CACNA2D1: variants seen among roughly 807,000 people sequenced by gnomAD.
CACNA2D1 encodes voltage-dependent calcium channel subunit alpha-2/delta-1.
In CACNA2D1, 53 loss-of-function variants were observed where a neutral mutation model predicts 171.5. The ratio of observed to expected loss-of-function variants is 0.31; its 90% CI spans 0.25 to 0.39. The LOEUF (loss-of-function observed/expected upper bound fraction) is 0.39, where lower values mean the gene tolerates loss of function less well. Ranked by LOEUF, CACNA2D1 falls within the 10% of genes least tolerant of loss-of-function variation. CACNA2D1 has a pLI of 1.00. For synonymous variants in CACNA2D1, 442 were observed against 443.1 expected (o/e 1.00, Z 0.03); for missense variants, 903 against 1,299.8 (o/e 0.69, Z 4.69).
chr7:82,061,432 C>T (rs527698359), intron 9 of CACNA2D1, among the ~76,000 whole-genome samples: 5 of 152,180 alleles, frequency 3.3e-5, no homozygotes, highest in Admixed American at 1.3e-4. Context: ...CAATTAGTCT[C>T]CTTCACATGC....
chr7:82,311,219 GTC>G (rs1814423459), intron 3 of CACNA2D1, among the ~76,000 whole-genome samples: 1 of 151,826 alleles, frequency 6.6e-6, no homozygotes, highest in Non-Finnish European at 1.5e-5. Flanking sequence ...GATGCTTTTT[GTC>G]CATAAAAGCT....
At chr7:82,207,313 T>A (rs1012983844) in intron 3 of CACNA2D1, among the ~76,000 whole-genome samples, 7 of 152,152 alleles carry the variant, frequency 4.6e-5, no homozygotes, top group African/African-American at 1.7e-4. Context: ...TTAGAAAAAT[T>A]CCCTCTCTAT....
At chr7:82,149,796 A>AAAAAAAAAGAAAAG (rs1554432059) in intron 4 of CACNA2D1, among the ~76,000 whole-genome samples, 3 of 136,768 alleles carry the variant, frequency 2.2e-5, no homozygotes, top group African/African-American at 7.8e-5. Context: ...ACAAACAACA[A>AAAAAAAAAGAAAAG]AAAAAAAAAC....
At chr7:82,396,825 T>C (rs964940263) in intron 1 of CACNA2D1, among the ~76,000 whole-genome samples, 1 of 152,222 alleles carries the variant, frequency 6.6e-6, no homozygotes, top group African/African-American at 2.4e-5. Flanking sequence ...AAATCAAGTA[T>C]ATGTAGACAC....
intron 1 of CACNA2D1, among the ~76,000 whole-genome samples, chr7:82,392,492 G>A (rs964352077): frequency 6.6e-6 from 1 of 152,192 alleles, no homozygotes; most frequent in African/African-American, 2.4e-5. Flanking sequence ...CCGTAATGCA[G>A]GGGGGCTGGG....
chr7:82,373,105 A>T (rs1822595050), intron 1 of CACNA2D1, among the ~76,000 whole-genome samples: 1 of 151,998 alleles, frequency 6.6e-6, no homozygotes, highest in African/African-American at 2.4e-5. Flanking sequence ...AATCGCTTGA[A>T]CCCAGGAGGC....
rs374293326 is a variant in CACNA2D1, at chr7:82,303,273, C to T, written c.294+31862G>A. ...TGGCCTCTACTAAAAATACAAAGTGCTGTGATTACAGGCGTGAGCCACCAC... is the reference window on the plus strand; with the variant it reads ...TGGCCTCTACTAAAAATACAAAGTGTTGTGATTACAGGCGTGAGCCACCAC... On this transcript the variant is annotated intron_variant, in intron 3 of 38. Transcript: ENST00000356860. Among the ~76,000 whole-genome samples the T allele has an allele frequency of 6.6e-5, 10 of 152,200 alleles. No homozygotes were observed. The East Asian group carries it at 1.9e-3, about 29-fold the overall frequency.
rs553577572 is a variant in CACNA2D1, at chr7:82,149,826, A to G, written c.355-13150T>C. Among the ~76,000 whole-genome samples the G allele has an allele frequency of 1.9e-3, 286 of 150,634 alleles. 1 individual carries two copies. The highest frequency in any genetic ancestry group is 5.9e-3 in the African/African-American group (241 of 41,164). On this transcript the variant is annotated intron_variant, in intron 4 of 38. Coordinates refer to ENST00000356860, the MANE Select transcript of CACNA2D1 (RefSeq NM_000722.4). The stretch of plus-strand genomic sequence containing the variant: ...AAAAACATTAGCTGGGTGTGGTGGT[A>G]GGCGCCTGTAGTCCCAGCTACTCAG...
chr7:82,260,680 A>G (rs1806953112), intron 3 of CACNA2D1, among the ~76,000 whole-genome samples: 1 of 152,192 alleles, frequency 6.6e-6, no homozygotes, highest in Admixed American at 6.5e-5. Flanking sequence ...ATGGCCTTAG[A>G]AAGGTTACAT....
chr7:82,395,525 T>A (rs1053380420), intron 1 of CACNA2D1, among the ~76,000 whole-genome samples: 2 of 152,238 alleles, frequency 1.3e-5, no homozygotes, highest in Non-Finnish European at 2.9e-5. Flanking sequence ...TATAAGCATG[T>A]AAGGCACTTC....
chr7:81,962,639 T>C (rs914268294), intron 34 of CACNA2D1, 144 bp from the exon 35 acceptor site: 10 of 593,220 alleles, frequency 1.7e-5, no homozygotes, highest in Non-Finnish European at 3.0e-5. Flanking sequence ...TTCAAAATTA[T>C]ATAACACATT....
chr7:82,117,197 A>G (rs931614808), intron 5 of CACNA2D1, 24 bp from the exon 6 acceptor site: 4 of 1,610,660 alleles, frequency 2.5e-6, no homozygotes, highest in Non-Finnish European at 3.4e-6. Context: ...GAATAAACAG[A>G]ATATTACAAT....
At chr7:82,135,159 T>C (rs1470315087) in intron 5 of CACNA2D1, among the ~76,000 whole-genome samples, 1 of 152,146 alleles carries the variant, frequency 6.6e-6, no homozygotes, top group Non-Finnish European at 1.5e-5. Flanking sequence ...TGCACGTCAA[T>C]GCCATTCACT....
chr7:82,150,284 A>AAAAAAAC (rs1793703734), intron 4 of CACNA2D1, among the ~76,000 whole-genome samples: 1 of 137,396 alleles, frequency 7.3e-6, no homozygotes, highest in Non-Finnish European at 1.6e-5. Context: ...AACAACAACA[A>AAAAAAAC]AAAAAAACAC....
intron 15 of CACNA2D1, among the ~76,000 whole-genome samples, chr7:82,007,965 T>C (rs1366673434): frequency 1.3e-5 from 2 of 152,120 alleles, no homozygotes; most frequent in African/African-American, 4.8e-5. Flanking sequence ...ACTAGGCACC[T>C]ACTGAAGCAT....
chr7:82,262,549 TC>T (rs1206948508), intron 3 of CACNA2D1, among the ~76,000 whole-genome samples: 1 of 152,112 alleles, frequency 6.6e-6, no homozygotes, highest in Non-Finnish European at 1.5e-5. Context: ...TTTGTATTTT[TC>T]CTTTTAAAAA....
At chr7:82,246,257 A>G (rs1234125016) in intron 3 of CACNA2D1, among the ~76,000 whole-genome samples, 1 of 151,202 alleles carries the variant, frequency 6.6e-6, no homozygotes, top group Non-Finnish European at 1.5e-5. Context: ...ATATTTATGC[A>G]TATGTAGAGA....
chr7:81,980,039 GAAAGA>G, intron 24 of CACNA2D1, among the ~76,000 whole-genome samples: 1 of 151,720 alleles, frequency 6.6e-6, no homozygotes, highest in Non-Finnish European at 1.5e-5. Context: ...GTGAAGAAAG[GAAAGA>G]AATCCCCACA....
intron 2 of CACNA2D1, among the ~76,000 whole-genome samples, chr7:82,338,168 A>T (rs1818219045): frequency 6.6e-6 from 1 of 152,284 alleles, no homozygotes. Context: ...AAATAACTTC[A>T]AATTTAATAT....
Sources: allele counts gnomAD v4.1 joint callset (sites outside exome capture counted in the v4.1 genomes callset), GRCh38; gene constraint gnomAD v4.1.1; transcripts MANE v1.5; gene names NCBI Gene and HGNC (gene_info 2026-07-23, HGNC 2026-07-21).